Variants in SLC25A14 observed in about 807,000 individuals in gnomAD.
SLC25A14 encodes the protein brain mitochondrial carrier protein 1.
A neutral mutation model predicts 28.1 loss-of-function variants in SLC25A14; 8 were observed. That is an observed-to-expected ratio of 0.28 (90% CI 0.17 to 0.51). The LOEUF is 0.51. Among genes scored for constraint, SLC25A14 ranks in the 20% least tolerant of loss-of-function variants. The probability of loss-of-function intolerance (pLI) is 0.97; values close to 1 mark genes in which losing one functional copy is unlikely to be tolerated. For missense variants in SLC25A14, 135 were observed against 263.8 expected (o/e 0.51, Z 3.38); for synonymous variants, 74 against 90.6 (o/e 0.82, Z 1.04).
chrX:130,359,551 A>G lies in SLC25A14; in HGVS notation c.594+816A>G, dbSNP rs1480676083. Reference sequence around the variant, plus strand: ...CATATTATCTTTCAGTCTTCTATCTATACTTTGCTTTTCGTCATTGTTGCT... The same window carrying G: ...CATATTATCTTTCAGTCTTCTATCTGTACTTTGCTTTTCGTCATTGTTGCT... On this transcript the variant is annotated intron_variant, in intron 7 of 10. Transcript: ENST00000545805. Among the ~76,000 whole-genome samples, 8 of 109,990 alleles carry G rather than the reference A, an allele frequency of 7.3e-5. No homozygotes were observed. In the East Asian group the frequency reaches 2.2e-3, roughly 31 times the overall value.
intron 9 of SLC25A14, among the ~76,000 whole-genome samples, chrX:130,366,998 GA>G (rs1321375317): frequency 8.9e-6 from 1 of 112,512 alleles, no homozygotes; most frequent in African/African-American, 3.2e-5. Flanking sequence ...ACATGCATCA[GA>G]ATTACCTGGA....
intron 2 of SLC25A14, among the ~76,000 whole-genome samples, chrX:130,341,657 G>A (rs1008009115): frequency 8.9e-6 from 1 of 112,272 alleles, no homozygotes; most frequent in South Asian, 3.7e-4. Context: ...CAAATTCTCC[G>A]AAGTCAGATC....
chrX:130,366,245 GTAGT>G (rs2034113932), intron 9 of SLC25A14, among the ~76,000 whole-genome samples: 1 of 112,344 alleles, frequency 8.9e-6, no homozygotes, highest in South Asian at 3.7e-4. Flanking sequence ...CACCATTTTA[GTAGT>G]TAGAGAGAAA....
At chrX:130,369,434 G>A (rs1291990509) in intron 9 of SLC25A14, among the ~76,000 whole-genome samples, 2 of 112,476 alleles carry the variant, frequency 1.8e-5, no homozygotes, top group Non-Finnish European at 3.7e-5. Flanking sequence ...AACAAACAAA[G>A]CTAGTTTCTA....
intron 8 of SLC25A14, chrX:130,365,316 C>T: frequency 2.1e-6 from 2 of 969,135 alleles, no homozygotes; most frequent in Non-Finnish European, 2.6e-6. Context: ...TAGAAACTCT[C>T]CTTTAAAAAA....
chrX:130,361,573 A>C (rs1006998747), intron 7 of SLC25A14, among the ~76,000 whole-genome samples: 3 of 112,749 alleles, frequency 2.7e-5, no homozygotes, highest in African/African-American at 9.7e-5. Context: ...TAACATGAAT[A>C]CTGAAAACAT....
At chrX:130,341,607 T>C (rs1240677290) in intron 2 of SLC25A14, among the ~76,000 whole-genome samples, 1 of 112,014 alleles carries the variant, frequency 8.9e-6, no homozygotes, top group African/African-American at 3.3e-5. Flanking sequence ...GCAATGTAAC[T>C]TGTATTGTAG....
intron 8 of SLC25A14, chrX:130,365,096 G>C: frequency 1.2e-6 from 1 of 802,718 alleles, no homozygotes; most frequent in Non-Finnish European, 1.5e-6. Flanking sequence ...GTGGGAATCA[G>C]AAAAAAAGGG....
chrX:130,363,961 C>T (rs959574863), intron 7 of SLC25A14, among the ~76,000 whole-genome samples: 1 of 111,217 alleles, frequency 9.0e-6, no homozygotes, highest in African/African-American at 3.3e-5. Context: ...TCTAGAACTC[C>T]TCCTCAAGTG....
chrX:130,363,490 T>G lies in SLC25A14; in HGVS notation c.595-1138T>G, dbSNP rs56969567. Among the ~76,000 whole-genome samples the G allele has an allele frequency of 7.3e-3, 827 of 112,550 alleles. 12 individuals carry two copies. Among genetic ancestry groups the G allele is most frequent in the African/African-American group, 0.025 (787 of 30,967 alleles). ...GGTTCTTTGCACATTTTGGCTATTA[T>G]GAATACTGCTATGAACATTTCTGTA... On this transcript the variant is annotated intron_variant, in intron 7 of 10. Coordinates refer to ENST00000545805, the MANE Select transcript of SLC25A14 (RefSeq NM_001282195.2).
rs372710462 is a variant in SLC25A14 at position 130,354,204 on chromosome X, C to T, written c.498+3473C>T. Among the ~76,000 whole-genome samples, 99 of 109,411 alleles carry T rather than the reference C, an allele frequency of 9.0e-4. No homozygotes were observed. The East Asian group carries it at 0.027, about 29-fold the overall frequency. On this transcript the variant is annotated intron_variant, in intron 6 of 10. Coordinates refer to ENST00000545805, the MANE Select transcript of SLC25A14 (RefSeq NM_001282195.2). ...TCTCGGCTCACTGCAAGCTCCGCCT[C>T]CCGGGTTCACGCCATTCTCCTGCCT...
chrX:130,342,112 T>C (rs992913446), intron 2 of SLC25A14, among the ~76,000 whole-genome samples: 4 of 112,355 alleles, frequency 3.6e-5, no homozygotes, highest in Non-Finnish European at 5.6e-5. Flanking sequence ...GTATCTTCCC[T>C]TGGGGATCTT....
At position 130,362,077 on chromosome X, in the gene SLC25A14, C is replaced by T. The variant is rs2033983666; in HGVS notation, c.595-2551C>T. Reference sequence around the variant, plus strand: ...ATATCAGCACAATCAAACATCTTGGCATAGCTGTGTCACTTCCACTTCATT... The same window carrying T: ...ATATCAGCACAATCAAACATCTTGGTATAGCTGTGTCACTTCCACTTCATT... On this transcript the variant is annotated intron_variant, in intron 7 of 10. Coordinates refer to ENST00000545805, the MANE Select transcript of SLC25A14 (RefSeq NM_001282195.2). Among the ~76,000 whole-genome samples, 3 of 109,839 alleles carry T rather than the reference C, an allele frequency of 2.7e-5. No individual in the cohort carries two copies. In the South Asian group the frequency reaches 1.2e-3, roughly 44 times the overall value.
intron 6 of SLC25A14, among the ~76,000 whole-genome samples, chrX:130,353,990 G>A (rs2033700055): frequency 9.0e-6 from 1 of 110,924 alleles, no homozygotes; most frequent in East Asian, 2.8e-4. Context: ...TCATTCATGG[G>A]CTTCCTTTTT....
chrX:130,348,791 C>T (rs865955402), intron 4 of SLC25A14, among the ~76,000 whole-genome samples: 2 of 66,714 alleles, frequency 3.0e-5, no homozygotes, highest in African/African-American at 1.0e-4. Flanking sequence ...CCCCCCCCCC[C>T]CCTTTTTTTT....
intron 6 of SLC25A14, among the ~76,000 whole-genome samples, chrX:130,354,338 T>C (rs970292991): frequency 8.1e-5 from 9 of 110,927 alleles, no homozygotes; most frequent in Non-Finnish European, 1.3e-4. Flanking sequence ...TGGTGTCGAT[T>C]TCCTGACCTC....
chrX:130,354,337 T>C (rs1465037492), intron 6 of SLC25A14, among the ~76,000 whole-genome samples: 1 of 111,226 alleles, frequency 9.0e-6, no homozygotes, highest in African/African-American at 3.3e-5. Context: ...ATGGTGTCGA[T>C]TTCCTGACCT....
Position 130,349,333 on chromosome X carries a change from G to A in SLC25A14, c.400G>A (p.Glu134Lys), listed in dbSNP as rs762763835. Reference sequence around the variant, plus strand: ...CCAAAGCTTGAAGCGCTTATTCGTAGAACGTTTAGAAGGTCAGTATACTTA... The same window carrying A: ...CCAAAGCTTGAAGCGCTTATTCGTAAAACGTTTAGAAGGTCAGTATACTTA... ...IYQSLKRLFV[E>K]RLEDETLLIN... is the part of the protein sequence containing the mutation. The change falls in exon 5 of 11, where the codon GAA becomes AAA. Residue 134 changes from glutamate to lysine, a missense_variant. Transcript: ENST00000545805. 13 of 1,161,137 alleles carry A rather than the reference G, an allele frequency of 1.1e-5. No individual in the cohort carries two copies. In the South Asian group the frequency reaches 2.4e-4, roughly 21 times the overall value.
At chrX:130,368,894 G>C (rs986240941) in intron 9 of SLC25A14, among the ~76,000 whole-genome samples, 2 of 112,266 alleles carry the variant, frequency 1.8e-5, no homozygotes, top group Non-Finnish European at 3.8e-5. Context: ...TTTTATGTTG[G>C]TAGTAACCTT....
Sources: gnomAD v4.1 joint callset for allele counts (sites outside exome capture counted in the v4.1 genomes callset) on GRCh38, gnomAD v4.1.1 for gene constraint, MANE v1.5 for transcripts, NCBI Gene and HGNC (gene_info 2026-07-23, HGNC 2026-07-21) for gene names.